GRID2: variants seen among roughly 807,000 people sequenced by gnomAD.
The protein encoded by GRID2 is glutamate ionotropic receptor delta type subunit 2.
Under a neutral mutation model 114.8 loss-of-function variants are expected in GRID2, and 33 were observed. That is an observed-to-expected ratio of 0.29 (90% CI 0.22 to 0.38). GRID2 has a LOEUF of 0.38. GRID2 is among the 10% of genes least tolerant of loss of function. GRID2 has a pLI of 1.00. For synonymous variants in GRID2, 505 were observed against 449.9 expected, an observed-to-expected ratio of 1.12 and a Z score of -1.55; for missense variants, 1,184 against 1,257.7, an observed-to-expected ratio of 0.94 and a Z score of 0.89.
chr4:93,154,895 G>T lies in GRID2; in HGVS notation c.735+43942G>T, dbSNP rs187016160. ...TCTCACTTTATAATTATCTGTAAGG[G>T]TTCTCATCCAGTTCACCTGATATCT... On this transcript the variant is annotated intron_variant, in intron 4 of 15. Transcript: ENST00000282020. 4.0e-3 allele frequency among the ~76,000 whole-genome samples: 613 copies of T among 151,894 alleles called. 5 individuals are homozygous for T. The highest frequency in any genetic ancestry group is 6.6e-3 in the Admixed American group (101 of 15,206).
At chr4:92,991,789 C>G (rs1754920610) in intron 2 of GRID2, among the ~76,000 whole-genome samples, 1 of 152,134 alleles carries the variant, frequency 6.6e-6, no homozygotes, top group East Asian at 1.9e-4. Flanking sequence ...GTAATTTAGG[C>G]CTGAGTACAA....
chr4:93,763,507 C>T (rs111353183), intron 14 of GRID2, among the ~76,000 whole-genome samples: 5 of 152,134 alleles, frequency 3.3e-5, no homozygotes, highest in Admixed American at 2.6e-4. Flanking sequence ...ATTGATGAGA[C>T]GTTTACTCAG....
intron 2 of GRID2, among the ~76,000 whole-genome samples, chr4:92,631,418 C>A (rs1730804342): frequency 6.6e-6 from 1 of 151,998 alleles, no homozygotes; most frequent in Non-Finnish European, 1.5e-5. Flanking sequence ...AGGTTAGGTT[C>A]TATTATGTGT....
chr4:92,533,727 T>C (rs1187642747), intron 1 of GRID2, among the ~76,000 whole-genome samples: 1 of 152,122 alleles, frequency 6.6e-6, no homozygotes, highest in Non-Finnish European at 1.5e-5. Context: ...GTGTTGCCTT[T>C]TAGGGAAATC....
At chr4:93,687,124 A>G (rs1168017683) in intron 14 of GRID2, among the ~76,000 whole-genome samples, 1 of 151,996 alleles carries the variant, frequency 6.6e-6, no homozygotes, top group African/African-American at 2.4e-5. Context: ...TTGAAAATTG[A>G]TAGCTGATGG....
At chr4:92,951,410 G>A (rs890791178) in intron 2 of GRID2, among the ~76,000 whole-genome samples, 6 of 151,482 alleles carry the variant, frequency 4.0e-5, no homozygotes, top group Admixed American at 1.3e-4. Flanking sequence ...GTGCAGTGGC[G>A]CAGTCACACC....
At chr4:92,797,234 C>A (rs569719487) in intron 2 of GRID2, among the ~76,000 whole-genome samples, 1 of 152,046 alleles carries the variant, frequency 6.6e-6, no homozygotes, top group South Asian at 2.1e-4. Context: ...ACATAATAAA[C>A]AACATGCAAG....
At chr4:92,772,861 A>G (rs1738608518) in intron 2 of GRID2, among the ~76,000 whole-genome samples, 1 of 152,126 alleles carries the variant, frequency 6.6e-6, no homozygotes, top group Non-Finnish European at 1.5e-5. Flanking sequence ...CATACACATC[A>G]ATTCTTACCT....
chr4:92,591,975 T>A (rs1281976887), intron 2 of GRID2, among the ~76,000 whole-genome samples: 3 of 152,100 alleles, frequency 2.0e-5, no homozygotes, highest in South Asian at 2.1e-4. Context: ...CCCGACAATA[T>A]AAGGATTTCA....
At chr4:92,889,811 C>T (rs1175830651) in intron 2 of GRID2, among the ~76,000 whole-genome samples, 3 of 152,130 alleles carry the variant, frequency 2.0e-5, no homozygotes, top group Non-Finnish European at 4.4e-5. Context: ...ATAGCCAAGA[C>T]AATCCTAAGC....
At chr4:92,859,615 A>G (rs2149433245) in intron 2 of GRID2, among the ~76,000 whole-genome samples, 1 of 152,264 alleles carries the variant, frequency 6.6e-6, no homozygotes, top group South Asian at 2.1e-4. Context: ...TTCCAGATTC[A>G]CCTTGTAAAA....
intron 2 of GRID2, among the ~76,000 whole-genome samples, chr4:92,816,229 C>A (rs940848376): frequency 6.8e-6 from 1 of 148,026 alleles, no homozygotes; most frequent in East Asian, 2.0e-4. Flanking sequence ...GCAGGAGAAT[C>A]ACTTGAACCT....
intron 4 of GRID2, among the ~76,000 whole-genome samples, chr4:93,157,795 A>C (rs768526494): frequency 5.3e-5 from 8 of 151,672 alleles, no homozygotes; most frequent in Non-Finnish European, 7.4e-5. Context: ...AATTCTGCTT[A>C]TGTGGCATCA....
chr4:92,681,471 C>A (rs1414569208), intron 2 of GRID2, among the ~76,000 whole-genome samples: 1 of 151,636 alleles, frequency 6.6e-6, no homozygotes, highest in South Asian at 2.1e-4. Context: ...CACGTCCCTA[C>A]AAAGGGCATG....
chr4:93,682,493 G>C (rs1725660235), intron 14 of GRID2, among the ~76,000 whole-genome samples: 1 of 151,998 alleles, frequency 6.6e-6, no homozygotes. Context: ...TATGTTTATT[G>C]TGGCACTATT....
intron 2 of GRID2, among the ~76,000 whole-genome samples, chr4:92,928,491 G>T (rs1749996130): frequency 1.3e-5 from 2 of 151,564 alleles, no homozygotes; most frequent in African/African-American, 4.8e-5. Context: ...AATAAAAAAT[G>T]ACTATAAAGT....
At chr4:93,453,503 G>A (rs889384023) in intron 10 of GRID2, among the ~76,000 whole-genome samples, 22 of 152,010 alleles carry the variant, frequency 1.4e-4, no homozygotes, top group Non-Finnish European at 2.6e-4. Context: ...TATATGACAA[G>A]TAATTGTTAA....
chr4:93,637,945 G>A (rs74368603), intron 14 of GRID2, among the ~76,000 whole-genome samples: 18,041 of 151,946 alleles, frequency 0.12, 1,114 homozygotes, highest in Middle Eastern at 0.14. Flanking sequence ...CATGTTAAAC[G>A]TTTACTAATA....
intron 1 of GRID2, among the ~76,000 whole-genome samples, chr4:92,587,842 A>G (rs1728520545): frequency 6.6e-6 from 1 of 152,194 alleles, no homozygotes; most frequent in South Asian, 2.1e-4. Context: ...AAATGCTTCC[A>G]TCAAAAATGT....
Sources: allele counts gnomAD v4.1 joint callset (sites outside exome capture counted in the v4.1 genomes callset), GRCh38; gene constraint gnomAD v4.1.1; transcripts MANE v1.5; gene names NCBI Gene and HGNC (gene_info 2026-07-23, HGNC 2026-07-21).